Variants in WDR49 observed in about 807,000 individuals in gnomAD.
WDR49 encodes WD repeat domain 49, also known as cilia- and flagella-associated protein 337.
In WDR49, 107 loss-of-function variants were observed where a neutral mutation model predicts 119.5. That is an observed-to-expected ratio of 0.90 (90% CI 0.77 to 1.05). WDR49 has a LOEUF of 1.05. Ranked by LOEUF, WDR49 falls within the 50% of genes least tolerant of loss-of-function variation. The pLI, the probability that WDR49 is intolerant of heterozygous loss-of-function variation, is 0.00. For missense variants in WDR49, 1,240 were observed against 1,220.5 expected (o/e 1.02, Z -0.24); for synonymous variants, 425 against 418.8 (o/e 1.01, Z -0.18).
chr3:167,544,233 C>T (rs2108256112), intron 10 of WDR49, among the ~76,000 whole-genome samples: 1 of 152,028 alleles, frequency 6.6e-6, no homozygotes, highest in East Asian at 1.9e-4. Flanking sequence ...CAAAAATGAT[C>T]TTACTTTCAA....
chr3:167,497,599 G>A (rs1751404197), intron 18 of WDR49, among the ~76,000 whole-genome samples: 1 of 152,246 alleles, frequency 6.6e-6, no homozygotes, highest in Admixed American at 6.5e-5. Context: ...CATAGAAGCA[G>A]GAACTCTCAC....
chr3:167,499,981 C>G (rs1219294378), intron 18 of WDR49, among the ~76,000 whole-genome samples, 172 bp downstream of exon 18: 1 of 152,188 alleles, frequency 6.6e-6, no homozygotes, highest in Non-Finnish European at 1.5e-5. Flanking sequence ...GCTCTCCTAT[C>G]TGAGAGCACA....
chr3:167,603,053 C>A (rs1715859970), intron 6 of WDR49, among the ~76,000 whole-genome samples: 1 of 152,076 alleles, frequency 6.6e-6, no homozygotes, highest in African/African-American at 2.4e-5. Flanking sequence ...CATCATTAAG[C>A]AATGCACGAC....
intron 16 of WDR49, 33 bp from the exon 17 acceptor site, chr3:167,505,449 A>G (rs1317671384): frequency 4.7e-6 from 7 of 1,488,402 alleles, no homozygotes; most frequent in East Asian, 2.5e-5. Flanking sequence ...GAAATACATT[A>G]TTAACCACAG....
chr3:167,501,895 A>G (rs1357717170), intron 17 of WDR49, among the ~76,000 whole-genome samples: 1 of 152,154 alleles, frequency 6.6e-6, no homozygotes, highest in East Asian at 1.9e-4. Flanking sequence ...TTCTGGTGCC[A>G]TCTCTTTTTT....
chr3:167,510,132 C>T (rs1560258085), intron 16 of WDR49, among the ~76,000 whole-genome samples: 1 of 152,204 alleles, frequency 6.6e-6, no homozygotes, highest in Non-Finnish European at 1.5e-5. Context: ...TGCCTATAAT[C>T]CCAGCACTTT....
At chr3:167,643,127 T>C (rs1440510972) in intron 2 of WDR49, among the ~76,000 whole-genome samples, 1 of 152,080 alleles carries the variant, frequency 6.6e-6, no homozygotes, top group African/African-American at 2.4e-5. Flanking sequence ...AACCAATGGA[T>C]GAAATCTTGT....
intron 15 of WDR49, among the ~76,000 whole-genome samples, chr3:167,524,004 C>T (rs1224954964): frequency 6.6e-6 from 1 of 152,086 alleles, no homozygotes; most frequent in Non-Finnish European, 1.5e-5. Context: ...CTAATTTGCA[C>T]TCTCACCAAC....
chr3:167,554,636 A>G lies in WDR49; in HGVS notation c.1823+14T>C, dbSNP rs374016182. On this transcript the variant is annotated intron_variant, in intron 10 of 18. Coordinates refer to ENST00000682715, the MANE Select transcript of WDR49 (RefSeq NM_001366157.1). ...TTTAGATTTTGATTAAAATAAAAACATTCTCCTTTTTACCTTCCTATAGTT... is the reference window on the plus strand; with the variant it reads ...TTTAGATTTTGATTAAAATAAAAACGTTCTCCTTTTTACCTTCCTATAGTT... The G allele has an allele frequency of 7.1e-7, 1 of 1,417,438 alleles. No individual in the cohort carries two copies. The highest frequency in any genetic ancestry group is 9.7e-7 in the Non-Finnish European group (1 of 1,030,304). 87.8% of individuals were successfully genotyped at this position (1,417,438 alleles called of 1,614,324 possible).
rs141227325 is a variant in WDR49, at chr3:167,507,506, AC to A, written c.2775-2091del. Among the ~76,000 whole-genome samples the A allele has an allele frequency of 1.6e-3, 243 of 152,326 alleles. 4 individuals are homozygous for A. In the East Asian group the frequency reaches 0.031, roughly 20 times the overall value. On this transcript the variant is annotated intron_variant, in intron 16 of 18. Coordinates refer to ENST00000682715, the MANE Select transcript of WDR49 (RefSeq NM_001366157.1). ...CTTGCAGTTATTGGATTAAGAATAC[AC>A]CTTTTTCTAGAAAAGAATTATTCAT...
chr3:167,562,151 A>G (rs1713303997), intron 8 of WDR49, among the ~76,000 whole-genome samples: 1 of 152,160 alleles, frequency 6.6e-6, no homozygotes, highest in South Asian at 2.1e-4. Flanking sequence ...CCAATGATTA[A>G]TCCAAAAGGC....
At chr3:167,620,629 C>T (rs200255221) in intron 4 of WDR49, 26 bp from the exon 5 acceptor site, 1 of 1,508,778 alleles carries the variant, frequency 6.6e-7, no homozygotes, top group East Asian at 2.5e-5. Flanking sequence ...GAAAGAACAA[C>T]AATCGTGGAC....
intron 18 of WDR49, among the ~76,000 whole-genome samples, chr3:167,485,459 C>T (rs1207053893): frequency 1.3e-5 from 2 of 151,908 alleles, no homozygotes; most frequent in Non-Finnish European, 2.9e-5. Flanking sequence ...ATCTGGATGG[C>T]AAGGAAGCAC....
chr3:167,626,788 G>C (rs1279891608), intron 3 of WDR49, 64 bp downstream of exon 3: 1 of 1,185,586 alleles, frequency 8.4e-7, no homozygotes, highest in African/African-American at 1.6e-5. Flanking sequence ...TGCTAGCCAG[G>C]AGCCCTGCCC....
At chr3:167,644,588 T>TA (rs1718031615) in intron 2 of WDR49, among the ~76,000 whole-genome samples, 1 of 152,162 alleles carries the variant, frequency 6.6e-6, no homozygotes, top group East Asian at 1.9e-4. Flanking sequence ...AGTTGATGAA[T>TA]ATTTGGGTTA....
chr3:167,531,122 T>G lies in WDR49; in HGVS notation c.2211A>C (p.Ala737=), dbSNP rs1406861594. 3 of 1,610,916 alleles carry G rather than the reference T, an allele frequency of 1.9e-6. No homozygotes were observed. Among genetic ancestry groups the G allele is most frequent in the Non-Finnish European group, 1.7e-6 (2 of 1,179,038 alleles). The change falls in exon 13 of 19, where the codon GCA becomes GCC. Residue 737 remains alanine (A), a synonymous_variant. Transcript: ENST00000682715. ...LCFLKARKNT[A]VTGGANLVSC... ...TGTAAATATATATTTTACCTGTCAC[T>G]GCAGTGTTTTTTCTTGCTTTAAGAA...
chr3:167,507,736 A>T (rs1751828335), intron 16 of WDR49, among the ~76,000 whole-genome samples: 1 of 152,194 alleles, frequency 6.6e-6, no homozygotes, highest in Admixed American at 6.5e-5. Context: ...GCCCATTTCC[A>T]CTAAAGAGTT....
chr3:167,500,492 T>C (rs1751520992), intron 17 of WDR49, among the ~76,000 whole-genome samples, 193 bp from the exon 18 acceptor site: 1 of 152,212 alleles, frequency 6.6e-6, no homozygotes, highest in Non-Finnish European at 1.5e-5. Flanking sequence ...GTGCTTTTTA[T>C]TCAAAGGAAC....
At chr3:167,503,663 C>A (rs529913731) in intron 17 of WDR49, among the ~76,000 whole-genome samples, 29 of 152,304 alleles carry the variant, frequency 1.9e-4, no homozygotes, top group African/African-American at 6.3e-4. Context: ...ACAGCAGACA[C>A]CCTGCCAGAT....
Sources: gnomAD v4.1 joint callset for allele counts (sites outside exome capture counted in the v4.1 genomes callset) on GRCh38, gnomAD v4.1.1 for gene constraint, MANE v1.5 for transcripts, NCBI Gene and HGNC (gene_info 2026-07-23, HGNC 2026-07-21) for gene names.